PKIG: variants seen among roughly 807,000 people sequenced by gnomAD.
The protein encoded by PKIG is protein kinase (cAMP-dependent, catalytic) inhibitor gamma.
Under a neutral mutation model 6.8 loss-of-function variants are expected in PKIG, and 1 was observed. The observed-to-expected ratio is 0.15, with a 90% confidence interval of 0.05 to 0.69. The LOEUF is 0.69. Among genes scored for constraint, PKIG ranks in the 30% least tolerant of loss-of-function variants. The pLI is 0.82. For missense variants in PKIG, 77 were observed against 104.0 expected (o/e 0.74, Z 1.13); for synonymous variants, 39 against 43.0 (o/e 0.91, Z 0.36).
intron 3 of PKIG, among the ~76,000 whole-genome samples, chr20:44,615,481 A>G (rs1266723088): frequency 1.3e-5 from 2 of 152,190 alleles, no homozygotes; most frequent in Non-Finnish European, 2.9e-5. Context: ...AGGAAACAGC[A>G]TCCACCCACC....
intron 1 of PKIG, among the ~76,000 whole-genome samples, chr20:44,554,885 CAG>C (rs2064699964): frequency 6.6e-6 from 1 of 152,136 alleles, no homozygotes; most frequent in African/African-American, 2.4e-5. Flanking sequence ...CGATAAGATA[CAG>C]GAAAATAATC....
intron 1 of PKIG, among the ~76,000 whole-genome samples, chr20:44,544,922 TTTC>T (rs2064597964): frequency 3.0e-5 from 4 of 133,302 alleles, no homozygotes; most frequent in Non-Finnish European, 4.7e-5. Context: ...TCCTTCCTTC[TTTC>T]TTTTTTTTTT....
At chr20:44,603,271 C>A (rs2123435076) in intron 2 of PKIG, among the ~76,000 whole-genome samples, 1 of 152,280 alleles carries the variant, frequency 6.6e-6, no homozygotes, top group East Asian at 1.9e-4. Flanking sequence ...TTTACTAACT[C>A]AGCCCCCAAA....
intron 1 of PKIG, among the ~76,000 whole-genome samples, chr20:44,570,756 CA>C (rs796083329): frequency 1.3e-5 from 2 of 151,572 alleles, no homozygotes; most frequent in Admixed American, 1.3e-4. Flanking sequence ...GAATGAACAA[CA>C]AAAAAAAGTG....
intron 1 of PKIG, among the ~76,000 whole-genome samples, chr20:44,547,152 C>T (rs1248300260): frequency 6.6e-6 from 1 of 152,168 alleles, no homozygotes; most frequent in Non-Finnish European, 1.5e-5. Context: ...TCACTGTCTT[C>T]TATTATTGCA....
intron 1 of PKIG, among the ~76,000 whole-genome samples, chr20:44,544,958 T>C (rs2064599612): frequency 2.3e-5 from 3 of 132,462 alleles, no homozygotes; most frequent in African/African-American, 5.8e-5. Flanking sequence ...TTTTTTGAGA[T>C]GGAATCTTGC....
intron 2 of PKIG, among the ~76,000 whole-genome samples, chr20:44,595,226 G>T (rs1000622526): frequency 6.6e-6 from 1 of 152,196 alleles, no homozygotes; most frequent in African/African-American, 2.4e-5. Flanking sequence ...CACACGCAGA[G>T]AATATATACT....
At chr20:44,564,091 A>G (rs961944162) in intron 1 of PKIG, 1 of 152,010 alleles carries the variant, frequency 6.6e-6, no homozygotes, top group Admixed American at 6.6e-5. Flanking sequence ...CAGTGCTTTT[A>G]TGGTTTCATA....
intron 1 of PKIG, among the ~76,000 whole-genome samples, chr20:44,543,788 A>G (rs1285424643): frequency 6.6e-6 from 1 of 152,114 alleles, no homozygotes; most frequent in Non-Finnish European, 1.5e-5. Flanking sequence ...GCGGTGGCTT[A>G]CACCCGTAAA....
intron 1 of PKIG, among the ~76,000 whole-genome samples, chr20:44,572,826 A>C (rs147144904): frequency 5.3e-5 from 8 of 152,250 alleles, no homozygotes; most frequent in Non-Finnish European, 8.8e-5. Context: ...AGCTTCAGCT[A>C]CCCTGACTTG....
intron 1 of PKIG, among the ~76,000 whole-genome samples, chr20:44,534,720 C>T (rs899969239): frequency 4.6e-5 from 7 of 152,132 alleles, no homozygotes; most frequent in East Asian, 1.9e-4. Context: ...CCACCCGCAT[C>T]GGCCTCCCAA....
intron 2 of PKIG, among the ~76,000 whole-genome samples, chr20:44,612,714 A>G (rs1256017583): frequency 6.6e-6 from 1 of 152,198 alleles, no homozygotes; most frequent in Non-Finnish European, 1.5e-5. Context: ...CATGAATACC[A>G]CTGTGCTATT....
At chr20:44,568,159 ACT>A (rs1316108463) in intron 1 of PKIG, among the ~76,000 whole-genome samples, 1 of 151,794 alleles carries the variant, frequency 6.6e-6, no homozygotes, top group East Asian at 1.9e-4. Flanking sequence ...TAAATAAATA[ACT>A]CTGATATAAA....
At chr20:44,555,497 T>C (rs1433944317) in intron 1 of PKIG, among the ~76,000 whole-genome samples, 1 of 152,240 alleles carries the variant, frequency 6.6e-6, no homozygotes, top group Non-Finnish European at 1.5e-5. Flanking sequence ...TATCTTTCTG[T>C]GTCTAAATTC....
intron 1 of PKIG, among the ~76,000 whole-genome samples, chr20:44,539,768 A>AT (rs925003835): frequency 3.3e-5 from 5 of 151,886 alleles, no homozygotes; most frequent in East Asian, 3.9e-4. Flanking sequence ...TGTGTGTGTG[A>AT]TTTTTTTTCT....
At chr20:44,596,018 T>C (rs2065072435) in intron 2 of PKIG, among the ~76,000 whole-genome samples, 1 of 152,310 alleles carries the variant, frequency 6.6e-6, no homozygotes, top group Middle Eastern at 3.4e-3. Context: ...TTGTTATTAT[T>C]TATTTGGTCA....
At chr20:44,569,026 A>G (rs2064832862) in intron 1 of PKIG, among the ~76,000 whole-genome samples, 1 of 152,120 alleles carries the variant, frequency 6.6e-6, no homozygotes, top group Non-Finnish European at 1.5e-5. Flanking sequence ...TAATTAAGAA[A>G]CTTTATTTTT....
chr20:44,547,509 A>G (rs1392642300), intron 1 of PKIG, among the ~76,000 whole-genome samples: 1 of 152,276 alleles, frequency 6.6e-6, no homozygotes, highest in South Asian at 2.1e-4. Flanking sequence ...AACCTGCCTC[A>G]TAGGAGTTGT....
intron 2 of PKIG, among the ~76,000 whole-genome samples, chr20:44,591,065 G>C (rs183013393): frequency 7.0e-4 from 107 of 152,310 alleles, no homozygotes; most frequent in Non-Finnish European, 1.3e-3. Flanking sequence ...GAAGCTTGTG[G>C]GTCTGGCTGA....
Sources: gnomAD v4.1 joint callset for allele counts (sites outside exome capture counted in the v4.1 genomes callset) on GRCh38, gnomAD v4.1.1 for gene constraint, MANE v1.5 for transcripts, NCBI Gene and HGNC (gene_info 2026-07-23, HGNC 2026-07-21) for gene names.